Variants in OSBPL3 observed in about 807,000 individuals in gnomAD.
The protein encoded by OSBPL3 is oxysterol binding protein like 3.
OSBPL3 carries 65 observed loss-of-function variants against 120.1 expected under a neutral mutation model. The observed-to-expected ratio is 0.54, with a 90% CI of 0.44 to 0.67. OSBPL3 has a LOEUF of 0.67. Among genes scored for constraint, OSBPL3 ranks in the 30% least tolerant of loss-of-function variants. The pLI is 0.00. For synonymous variants in OSBPL3, 416 were observed against 402.6 expected, an observed-to-expected ratio of 1.03 and a Z score of -0.40; for missense variants, 1,004 against 1,082.1, an observed-to-expected ratio of 0.93 and a Z score of 1.01.
intron 1 of OSBPL3, among the ~76,000 whole-genome samples, chr7:24,974,539 G>T (rs1817368808): frequency 6.6e-6 from 1 of 152,126 alleles, no homozygotes; most frequent in South Asian, 2.1e-4. Flanking sequence ...GGGCCCAAAG[G>T]AACTTCTGGA....
rs991694911 is a variant in OSBPL3 at position 24,946,859 on chromosome 7, A to G, written c.-150+33027T>C. ...GGAGAGAGAGAAATTGACTCCATCT[A>G]TATCATCTGCTTTGTGAGGATAAGA... is the stretch of plus-strand genomic sequence containing the variant. On this transcript the variant is annotated intron_variant, in intron 1 of 22. Transcript: ENST00000313367. The surrounding 1 kb of genome is among the most constrained non-coding windows in gnomAD (Gnocchi z 4.3). Among the ~76,000 whole-genome samples the G allele has an allele frequency of 2.6e-5, 4 of 152,218 alleles. No homozygotes were observed. The highest frequency in any genetic ancestry group is 9.7e-5 in the African/African-American group (4 of 41,438).
At position 24,937,352 on chromosome 7, in the gene OSBPL3, A is replaced by AT. The variant is rs1812549343; in HGVS notation, c.-150+42533dup. Among the ~76,000 whole-genome samples the AT allele has an allele frequency of 6.6e-6, 1 of 152,210 alleles. No individual in the cohort carries two copies. The highest frequency in any genetic ancestry group is 2.4e-5 in the African/African-American group (1 of 41,458). On this transcript the variant is annotated intron_variant, in intron 1 of 22. Coordinates refer to ENST00000313367, the MANE Select transcript of OSBPL3 (RefSeq NM_015550.4). This position sits in a 1 kb window ranked among gnomAD's most constrained non-coding sequence, Gnocchi z 4.0. ...CTTTGGGTGGGAACACAGCCAAACC[A>AT]TATCAGTAAATTTTTATTTCAATTG...
At chr7:24,911,006 C>T (rs1461993056) in intron 1 of OSBPL3, among the ~76,000 whole-genome samples, 1 of 152,176 alleles carries the variant, frequency 6.6e-6, no homozygotes, top group African/African-American at 2.4e-5. Context: ...TGAGACACTC[C>T]CAGGTGATTT....
chr7:24,970,878 T>C (rs536231651), intron 1 of OSBPL3, among the ~76,000 whole-genome samples: 42 of 152,304 alleles, frequency 2.8e-4, no homozygotes, highest in African/African-American at 9.9e-4. Context: ...GCTAACAAGT[T>C]CCTAGATGAC....
intron 12 of OSBPL3, among the ~76,000 whole-genome samples, chr7:24,848,621 AAAAG>A (rs1798727173): frequency 6.6e-6 from 1 of 152,182 alleles, no homozygotes; most frequent in Admixed American, 6.5e-5. Context: ...CTATAAAAGA[AAAAG>A]AAAATCACAG....
rs889659289 is a variant in OSBPL3, at chr7:24,830,468, A to T, written c.1884+300T>A. Among the ~76,000 whole-genome samples, 4 of 152,158 alleles carry T rather than the reference A, an allele frequency of 2.6e-5. No individual in the cohort carries two copies. The highest frequency in any genetic ancestry group is 4.4e-5 in the Non-Finnish European group (3 of 68,042). On this transcript the variant is annotated intron_variant, in intron 16 of 22. Transcript: ENST00000313367. The surrounding 1 kb of genome is among the most constrained non-coding windows in gnomAD (Gnocchi z 4.4). ...GAGCAATGTTAAACCTCTAAATTGA[A>T]GTTTGGGCCAACATTCATCCTTTCA... is the stretch of plus-strand genomic sequence containing the variant.
rs968909092 is a variant in OSBPL3 at position 24,966,831 on chromosome 7, T to C, written c.-150+13055A>G. On this transcript the variant is annotated intron_variant, in intron 1 of 22. Transcript: ENST00000313367. This position sits in a 1 kb window ranked among gnomAD's most constrained non-coding sequence, Gnocchi z 4.8. Reference sequence around the variant, plus strand: ...TTGTTGTGCCTCATGAGGCTGATCATTATTTCCCAGGCAAAATTCATATAT... The same window carrying C: ...TTGTTGTGCCTCATGAGGCTGATCACTATTTCCCAGGCAAAATTCATATAT... 2.6e-5 allele frequency among the ~76,000 whole-genome samples: 4 copies of C among 152,366 alleles called. No homozygotes were observed. The highest frequency in any genetic ancestry group is 3.4e-3 in the Middle Eastern group (1 of 294).
intron 5 of OSBPL3, among the ~76,000 whole-genome samples, chr7:24,866,690 T>C (rs1030911834): frequency 7.9e-5 from 12 of 152,148 alleles, no homozygotes; most frequent in Admixed American, 5.2e-4. Context: ...AGAAATAGCC[T>C]CTCATTGACT....
intron 15 of OSBPL3, among the ~76,000 whole-genome samples, chr7:24,832,235 G>A (rs574711405): frequency 3.8e-4 from 56 of 146,908 alleles, no homozygotes; most frequent in African/African-American, 1.4e-3. Flanking sequence ...AGAAGGGCCA[G>A]GCACGGTAGC....
rs963000571 is a variant in OSBPL3 at position 24,830,992 on chromosome 7, T to C, written c.1747-87A>G. 4 of 1,311,706 alleles carry C rather than the reference T, an allele frequency of 3.0e-6. No individual in the cohort carries two copies. The highest frequency in any genetic ancestry group is 2.0e-6 in the Non-Finnish European group (2 of 987,202). The allele number at this position is 1,311,706 out of a possible 1,614,324, so 81.3% of individuals were successfully genotyped here. ...AGAACTAAACAAAATAAAACCTCTATGATTTTCTTTCAGAAAGCCAAAGAT... is the reference window on the plus strand; with the variant it reads ...AGAACTAAACAAAATAAAACCTCTACGATTTTCTTTCAGAAAGCCAAAGAT... On this transcript the variant is annotated intron_variant, in intron 15 of 22. Coordinates refer to ENST00000313367, the MANE Select transcript of OSBPL3 (RefSeq NM_015550.4). The surrounding 1 kb of genome is among the most constrained non-coding windows in gnomAD (Gnocchi z 4.4).
rs143386888 is a variant in OSBPL3, at chr7:24,819,251, CAAAAAA to C, written c.1948+918_1948+923del. Reference sequence around the variant, plus strand: ...CTAGCAACAGACTGAGACTCCATTTCAAAAAAAAAAAAAAAAAATCCAACTTTTGAA... The same window carrying C: ...CTAGCAACAGACTGAGACTCCATTTCAAAAAAAAAAAATCCAACTTTTGAA... On this transcript the variant is annotated intron_variant, in intron 17 of 22. Transcript: ENST00000313367. The surrounding 1 kb of genome is among the most constrained non-coding windows in gnomAD (Gnocchi z 4.1). Among the ~76,000 whole-genome samples the C allele has an allele frequency of 4.6e-5, 5 of 109,062 alleles. No homozygotes were observed. The highest frequency in any genetic ancestry group is 1.7e-4 in the African/African-American group (5 of 30,278). 71.5% of individuals were successfully genotyped at this position (109,062 alleles called of 152,430 possible).
At chr7:24,960,563 T>TC (rs1344350319) in intron 1 of OSBPL3, among the ~76,000 whole-genome samples, 13 of 152,090 alleles carry the variant, frequency 8.5e-5, no homozygotes, top group Admixed American at 8.5e-4. Flanking sequence ...GAACAGGCAC[T>TC]CCGAGACAGA....
At chr7:24,860,880 C>CT (rs1246365140) in intron 10 of OSBPL3, among the ~76,000 whole-genome samples, 1 of 152,164 alleles carries the variant, frequency 6.6e-6, no homozygotes, top group Non-Finnish European at 1.5e-5. Flanking sequence ...AATAAACTTG[C>CT]TTTGAACATG....
At chr7:24,949,882 T>C (rs1009791487) in intron 1 of OSBPL3, among the ~76,000 whole-genome samples, 1 of 152,178 alleles carries the variant, frequency 6.6e-6, no homozygotes, top group Non-Finnish European at 1.5e-5. Context: ...CCCAAATAAA[T>C]TATTTGCACC....
rs926861338 is a variant in OSBPL3 at position 24,813,027 on chromosome 7, T to C, written c.2172+2032A>G. ...TCCAGCAGCTGGGACTACAGGTGCATGCCACCGTGTCTGGCTAATTTTTAA... is the reference window on the plus strand; with the variant it reads ...TCCAGCAGCTGGGACTACAGGTGCACGCCACCGTGTCTGGCTAATTTTTAA... On this transcript the variant is annotated intron_variant, in intron 19 of 22. Coordinates refer to ENST00000313367, the MANE Select transcript of OSBPL3 (RefSeq NM_015550.4). This position sits in a 1 kb window ranked among gnomAD's most constrained non-coding sequence, Gnocchi z 4.5. 1.3e-5 allele frequency among the ~76,000 whole-genome samples: 2 copies of C among 152,144 alleles called. No individual in the cohort carries two copies. The highest frequency in any genetic ancestry group is 2.4e-5 in the African/African-American group (1 of 41,426).
At chr7:24,826,583 C>A (rs1795736916) in intron 16 of OSBPL3, among the ~76,000 whole-genome samples, 1 of 152,066 alleles carries the variant, frequency 6.6e-6, no homozygotes, top group Non-Finnish European at 1.5e-5. Flanking sequence ...GGGCTGGGTT[C>A]TAGCATTTGC....
intron 12 of OSBPL3, among the ~76,000 whole-genome samples, chr7:24,843,529 G>C (rs1798037339): frequency 6.6e-6 from 1 of 152,142 alleles, no homozygotes; most frequent in Admixed American, 6.5e-5. Context: ...TCATAGGGAG[G>C]GGATGCTATG....
Position 24,899,509 on chromosome 7 carries a change from T to C in OSBPL3, c.-149-6888A>G, listed in dbSNP as rs1182128167. On this transcript the variant is annotated intron_variant, in intron 1 of 22. Transcript: ENST00000313367. The surrounding 1 kb of genome is among the most constrained non-coding windows in gnomAD (Gnocchi z 4.0). ...ATAATCATTATTAAATTATCACATGTTAATTTTGACCCATGTCAAGATATT... is the reference window on the plus strand; with the variant it reads ...ATAATCATTATTAAATTATCACATGCTAATTTTGACCCATGTCAAGATATT... 1.3e-5 allele frequency among the ~76,000 whole-genome samples: 2 copies of C among 152,252 alleles called. No homozygotes were observed. Among genetic ancestry groups the C allele is most frequent in the Non-Finnish European group, 2.9e-5 (2 of 68,046 alleles).
chr7:24,809,347 T>C (rs1188806912), intron 20 of OSBPL3, among the ~76,000 whole-genome samples: 1 of 152,198 alleles, frequency 6.6e-6, no homozygotes, highest in Non-Finnish European at 1.5e-5. Context: ...AGCACCCTTC[T>C]GGAATCACAG....
Sources: allele counts gnomAD v4.1 joint callset (sites outside exome capture counted in the v4.1 genomes callset), GRCh38; gene constraint gnomAD v4.1.1; non-coding constraint Gnocchi (gnomAD v3.1); transcripts MANE v1.5; gene names NCBI Gene and HGNC (gene_info 2026-07-23, HGNC 2026-07-21).